INTU: variants seen among roughly 807,000 people sequenced by gnomAD.
INTU encodes inturned planar cell polarity protein, also known as protein inturned.
In INTU, 68 loss-of-function variants were observed where a neutral mutation model predicts 100.5. That is an observed-to-expected ratio of 0.68 (90% CI 0.56 to 0.83). INTU has a LOEUF of 0.83. Ranked by LOEUF, INTU falls within the 40% of genes least tolerant of loss-of-function variation. INTU has a pLI of 0.00. For synonymous variants in INTU, 357 were observed against 395.7 expected (o/e 0.90, Z 1.16); for missense variants, 1,071 against 1,114.7 (o/e 0.96, Z 0.56).
intron 1 of INTU, among the ~76,000 whole-genome samples, chr4:127,638,828 GA>G (rs1727186191): frequency 6.6e-6 from 1 of 152,000 alleles, no homozygotes; most frequent in Non-Finnish European, 1.5e-5. Context: ...AAGACTCATT[GA>G]AAGAAAATTG....
At chr4:127,676,477 T>G (rs1449408015) in intron 6 of INTU, among the ~76,000 whole-genome samples, 1 of 151,786 alleles carries the variant, frequency 6.6e-6, no homozygotes, top group East Asian at 1.9e-4. Context: ...TTCCAGCTAC[T>G]TGGGAGGCTG....
rs570866394 is a variant in INTU at position 127,717,022 on chromosome 4, T to A, written c.*586T>A. ...GTTTTAGTTTTAGTTCTGGGGTACATGTGCAGGATGTGCAGGTTCGTTACA... is the reference window on the plus strand; with the variant it reads ...GTTTTAGTTTTAGTTCTGGGGTACAAGTGCAGGATGTGCAGGTTCGTTACA... On this transcript the variant is annotated 3_prime_UTR_variant, in exon 16 of 16. Transcript: ENST00000335251. 1 of 152,218 alleles carries A rather than the reference T, an allele frequency of 6.6e-6. No individual in the cohort carries two copies. Among genetic ancestry groups the A allele is most frequent in the Non-Finnish European group, 1.5e-5 (1 of 68,050 alleles). 9.4% of individuals were successfully genotyped at this position (152,218 alleles called of 1,614,324 possible).
At chr4:127,664,776 G>T (rs572169047) in intron 4 of INTU, among the ~76,000 whole-genome samples, 1 of 150,736 alleles carries the variant, frequency 6.6e-6, no homozygotes, top group Admixed American at 6.6e-5. Flanking sequence ...TCTTTTACAC[G>T]CAGCCTGTTT....
chr4:127,693,842 T>G (rs1007267223), intron 8 of INTU, among the ~76,000 whole-genome samples: 2 of 152,164 alleles, frequency 1.3e-5, no homozygotes, highest in Admixed American at 1.3e-4. Context: ...ATGTGATTTT[T>G]GTTTTAAGTT....
intron 8 of INTU, among the ~76,000 whole-genome samples, chr4:127,692,469 C>T (rs1469746502): frequency 6.6e-6 from 1 of 151,960 alleles, no homozygotes; most frequent in Non-Finnish European, 1.5e-5. Flanking sequence ...TGTTTGAGTT[C>T]CTTGTAGATT....
At chr4:127,690,888 CT>C (rs1322947329) in intron 8 of INTU, among the ~76,000 whole-genome samples, 14 of 152,010 alleles carry the variant, frequency 9.2e-5, no homozygotes, top group Admixed American at 9.2e-4. Flanking sequence ...AGGGTTCATT[CT>C]TGGTGGTGTA....
At chr4:127,679,031 T>C (rs1446049835) in intron 6 of INTU, among the ~76,000 whole-genome samples, 1 of 151,916 alleles carries the variant, frequency 6.6e-6, no homozygotes, top group African/African-American at 2.4e-5. Context: ...GGTAAAGGGA[T>C]CAATTCAACA....
Position 127,708,630 on chromosome 4 carries a change from C to A in INTU, c.2331C>A (p.Asp777Glu). 1 of 1,596,236 alleles carries A rather than the reference C, an allele frequency of 6.3e-7. No individual in the cohort carries two copies. Among genetic ancestry groups the A allele is most frequent in the East Asian group, 2.2e-5 (1 of 44,626 alleles). The change falls in exon 13 of 16, where the codon GAC becomes GAA. Residue 777 changes from aspartate to glutamate, a missense_variant. Asp to Glu is a conservative substitution (Grantham distance 45). Transcript: ENST00000335251. ...TTCATTTGGGAAACTTGAAAAAGGA[C>A]CTTCCAGAAAAAGAATTAGAAATAT... ...NPFHLGNLKKDLPEKELEIYN... is the reference protein window; with the variant it reads ...NPFHLGNLKKELPEKELEIYN...
intron 6 of INTU, among the ~76,000 whole-genome samples, chr4:127,681,855 C>T (rs1325300292): frequency 6.6e-6 from 1 of 152,140 alleles, no homozygotes. Flanking sequence ...ACCTACTCAT[C>T]TGACAAAGGG....
chr4:127,698,335 G>A (rs1198995359), intron 8 of INTU, among the ~76,000 whole-genome samples: 8 of 151,750 alleles, frequency 5.3e-5, no homozygotes, highest in African/African-American at 1.7e-4. Context: ...GGTGGCGGGC[G>A]CCTGTAGTCC....
chr4:127,700,255 G>A (rs1730591279), intron 9 of INTU, among the ~76,000 whole-genome samples, 192 bp downstream of exon 9: 1 of 152,110 alleles, frequency 6.6e-6, no homozygotes, highest in Admixed American at 6.6e-5. Flanking sequence ...GTTACATAAT[G>A]TATATTATGG....
At chr4:127,639,817 A>T (rs1300218937) in intron 1 of INTU, among the ~76,000 whole-genome samples, 1 of 152,162 alleles carries the variant, frequency 6.6e-6, no homozygotes, top group African/African-American at 2.4e-5. Flanking sequence ...ATACACTATA[A>T]TATTGTTAAC....
chr4:127,686,824 A>G (rs1452025246), intron 7 of INTU: 1 of 152,232 alleles, frequency 6.6e-6, no homozygotes, highest in Non-Finnish European at 1.5e-5. Context: ...TCCAGCAATG[A>G]GAATAGTGCC....
In INTU at chr4:127,643,994, G is replaced by C. The variant is rs763921551; in HGVS notation, c.620G>C (p.Arg207Thr). The C allele has an allele frequency of 6.2e-7, 1 of 1,614,206 alleles. No individual in the cohort carries two copies. The highest frequency in any genetic ancestry group is 1.1e-5 in the South Asian group (1 of 91,084). ...RRTGKQGDGE[R>T]LVVHGLLPGG... ...ACCGGAAAGCAGGGTGATGGAGAGAGGCTTGTGGTTCATGGCCTGCTGCCA... is the reference window on the plus strand; with the variant it reads ...ACCGGAAAGCAGGGTGATGGAGAGACGCTTGTGGTTCATGGCCTGCTGCCA... The change falls in exon 2 of 16, where the codon AGG becomes ACG. Residue 207 changes from arginine (R) to threonine (T), a missense_variant. Transcript: ENST00000335251.
At chr4:127,679,657 A>G (rs1440325629) in intron 6 of INTU, among the ~76,000 whole-genome samples, 3 of 152,110 alleles carry the variant, frequency 2.0e-5, no homozygotes, top group Non-Finnish European at 4.4e-5. Context: ...AGCAGGAAAG[A>G]TCCAAAATTG....
chr4:127,643,659 T>C lies in INTU; in HGVS notation c.285T>C (p.Ile95=). The C allele has an allele frequency of 6.2e-7, 1 of 1,613,788 alleles. No homozygotes were observed. The highest frequency in any genetic ancestry group is 8.5e-7 in the Non-Finnish European group (1 of 1,179,950). Residue 95 remains isoleucine (I), a synonymous_variant, in exon 2 of 16, where the codon ATT becomes ATC. Transcript: ENST00000335251. The part of the protein sequence containing the change: ...VNHVRFSENE[I]IIEDDYKERK... ...ATGTCAGGTTCAGTGAAAATGAGAT[T>C]ATCATTGAAGATGACTACAAAGAAA...
chr4:127,690,969 C>T (rs1176203854), intron 8 of INTU, among the ~76,000 whole-genome samples: 3 of 152,116 alleles, frequency 2.0e-5, no homozygotes, highest in Admixed American at 2.0e-4. Context: ...AGTAGTTTCA[C>T]AGCCCCAGAA....
intron 2 of INTU, among the ~76,000 whole-genome samples, chr4:127,644,860 A>C: frequency 6.6e-6 from 1 of 152,354 alleles, no homozygotes; most frequent in East Asian, 1.9e-4. Context: ...AAATTTACAA[A>C]TATTTCCAAC....
chr4:127,711,148 G>T, intron 14 of INTU, 46 bp downstream of exon 14: 1 of 1,382,822 alleles, frequency 7.2e-7, no homozygotes, highest in South Asian at 1.6e-5. Flanking sequence ...TTAATTTCCA[G>T]ATCTCTAAGC....
Sources: allele counts gnomAD v4.1 joint callset (sites outside exome capture counted in the v4.1 genomes callset), GRCh38; gene constraint gnomAD v4.1.1; transcripts MANE v1.5; gene names NCBI Gene and HGNC (gene_info 2026-07-23, HGNC 2026-07-21).